The following COQ2 variants were observed in gnomAD, a reference collection of about 807,000 sequenced individuals.
COQ2 encodes 4-hydroxybenzoate polyprenyltransferase, mitochondrial.
A neutral mutation model predicts 35.7 loss-of-function variants in COQ2; 25 were observed. The ratio of observed to expected loss-of-function variants is 0.70; its 90% CI spans 0.51 to 0.98. The LOEUF (loss-of-function observed/expected upper bound fraction) is 0.98, where lower values mean the gene tolerates loss of function less well. Among genes scored for constraint, COQ2 ranks in the 50% least tolerant of loss-of-function variants. The probability of loss-of-function intolerance (pLI) is 0.00; values close to 1 mark genes in which losing one functional copy is unlikely to be tolerated. For synonymous variants in COQ2, 206 were observed against 186.2 expected (o/e 1.11, Z -0.86); for missense variants, 488 against 473.5 (o/e 1.03, Z -0.28).
chr4:83,281,181 C>T (rs1426217857), intron 1 of COQ2, among the ~76,000 whole-genome samples: 2 of 152,176 alleles, frequency 1.3e-5, no homozygotes, highest in African/African-American at 4.8e-5. Flanking sequence ...GTAGGTTTAA[C>T]TACTTTCTTT....
chr4:83,273,598 C>A lies in COQ2; in HGVS notation c.440G>T (p.Arg147Leu). 6.2e-7 allele frequency: 1 copy of A among 1,613,424 alleles called. No individual in the cohort carries two copies. Among genetic ancestry groups the A allele is most frequent in the Non-Finnish European group, 8.5e-7 (1 of 1,179,672 alleles). Residue 147 changes from arginine (R) to leucine (L), a missense_variant, in exon 3 of 7, where the codon CGT (arginine) becomes CTT (leucine). Coordinates refer to ENST00000647002, the MANE Select transcript of COQ2 (RefSeq NM_001358921.2). ...TGAAATGTCTCCAGCGGCTATTGGA[C>A]GATTGGCTGTTCTTGTAACCTTAAA... ...YDKKVTRTAN[R>L]PIAAGDISTF... is the part of the protein sequence containing the mutation.
chr4:83,277,402 C>G (rs1228693679), intron 2 of COQ2, among the ~76,000 whole-genome samples: 1 of 152,158 alleles, frequency 6.6e-6, no homozygotes, highest in Admixed American at 6.5e-5. Context: ...TCTAGAGACA[C>G]CTTCACCCTC....
chr4:83,283,973 TAA>T lies in COQ2; in HGVS notation c.253+537_253+538del, dbSNP rs1431468696. 8.1e-6 allele frequency: 8 copies of T among 985,426 alleles called. No individual in the cohort carries two copies. The East Asian group carries it at 5.7e-4, about 70-fold the overall frequency. 61.0% of individuals were successfully genotyped at this position (985,426 alleles called of 1,614,324 possible). A position where few individuals can be genotyped will look rare whatever the true frequency, so the allele number is the denominator to read the frequency against. On this transcript the variant is annotated intron_variant, in intron 1 of 6. Transcript: ENST00000647002. The stretch of plus-strand genomic sequence containing the variant: ...ATCTTTGCCTTATGGGTGATGCAGG[TAA>T]AAGAGCTCCGACTCAGCATCAAAAC...
intron 4 of COQ2, among the ~76,000 whole-genome samples, chr4:83,270,445 A>G (rs910201226): frequency 6.6e-6 from 1 of 152,030 alleles, no homozygotes; most frequent in Non-Finnish European, 1.5e-5. Context: ...CTATTCCACA[A>G]TGGCATCATC....
At chr4:83,277,284 C>T (rs1315422040) in intron 2 of COQ2, among the ~76,000 whole-genome samples, 1 of 152,220 alleles carries the variant, frequency 6.6e-6, no homozygotes, top group East Asian at 1.9e-4. Context: ...GCTCCTGCCA[C>T]TCTTCTACTA....
chr4:83,279,530 T>C (rs1017198289), intron 1 of COQ2, among the ~76,000 whole-genome samples: 58 of 152,170 alleles, frequency 3.8e-4, no homozygotes, highest in Non-Finnish European at 2.1e-4. Flanking sequence ...AAAATGGCCC[T>C]ACCTTTGTGA....
At chr4:83,267,203 C>A in intron 6 of COQ2, 2 of 453,420 alleles carry the variant, frequency 4.4e-6, no homozygotes, top group Non-Finnish European at 8.8e-6. Context: ...TCTCAAGACC[C>A]CATTTCTACA....
Position 83,264,197 on chromosome 4 carries a change from C to G in COQ2, c.*2G>C, listed in dbSNP as rs756452102. 4 of 1,279,972 alleles carry G rather than the reference C, an allele frequency of 3.1e-6. No individual in the cohort carries two copies. The highest frequency in any genetic ancestry group is 3.1e-5 in the African/African-American group (2 of 64,132). 79.3% of individuals were successfully genotyped at this position (1,279,972 alleles called of 1,614,324 possible). A position where few individuals can be genotyped will look rare whatever the true frequency, so the allele number is the denominator to read the frequency against. On this transcript the variant is annotated 3_prime_UTR_variant, in exon 7 of 7. Transcript: ENST00000647002. Reference sequence around the variant, plus strand: ...TAAAAATTCCTAGATAAATTTCATTCATTAATTTTCTATTTTATTCTCTAT... The same window carrying G: ...TAAAAATTCCTAGATAAATTTCATTGATTAATTTTCTATTTTATTCTCTAT...
Position 83,273,211 on chromosome 4 carries a change from C to T in COQ2, c.542+285G>A, listed in dbSNP as rs115149989. 4.1e-3 allele frequency among the ~76,000 whole-genome samples: 622 copies of T among 152,244 alleles called. 4 individuals are homozygous for T. The highest frequency in any genetic ancestry group is 0.014 in the African/African-American group (596 of 41,550). Reference sequence around the variant, plus strand: ...GGGTGTATACACACACATCCATGCACGCACTTAGAAAACCTATGAAATTGC... The same window carrying T: ...GGGTGTATACACACACATCCATGCATGCACTTAGAAAACCTATGAAATTGC... On this transcript the variant is annotated intron_variant, in intron 3 of 6. Transcript: ENST00000647002.
intron 2 of COQ2, among the ~76,000 whole-genome samples, chr4:83,274,414 C>T (rs987112639): frequency 3.3e-5 from 5 of 152,090 alleles, no homozygotes; most frequent in Non-Finnish European, 5.9e-5. Context: ...AAGCTGGTTT[C>T]GAACTCCTGA....
rs188166189 is a variant in COQ2, at chr4:83,270,197, A to G, written c.629-204T>C. Among the ~76,000 whole-genome samples the G allele has an allele frequency of 1.1e-4, 16 of 152,116 alleles. 1 individual carries two copies. The highest frequency in any genetic ancestry group is 4.6e-4 in the Admixed American group (7 of 15,276). ...TACAAAAAACAAAACAAGCTCAGAG[A>G]GGTTAATTAACAACTAAAGTAACAG... is the stretch of plus-strand genomic sequence containing the variant. On this transcript the variant is annotated intron_variant, in intron 4 of 6. Coordinates refer to ENST00000647002, the MANE Select transcript of COQ2 (RefSeq NM_001358921.2).
intron 4 of COQ2, among the ~76,000 whole-genome samples, chr4:83,270,613 T>A (rs1459859307): frequency 6.6e-6 from 1 of 152,168 alleles, no homozygotes; most frequent in Admixed American, 6.5e-5. Flanking sequence ...GTGTCCCAGA[T>A]ATCTTTTCTC....
chr4:83,280,239 A>T (rs974568843), intron 1 of COQ2, among the ~76,000 whole-genome samples: 1 of 152,238 alleles, frequency 6.6e-6, no homozygotes, highest in Non-Finnish European at 1.5e-5. Flanking sequence ...AAAGACTTCA[A>T]ATATGAACTT....
intron 5 of COQ2, among the ~76,000 whole-genome samples, chr4:83,268,101 T>C (rs1431998490): frequency 1.3e-5 from 2 of 152,208 alleles, no homozygotes; most frequent in Non-Finnish European, 2.9e-5. Flanking sequence ...CTCTTAACCA[T>C]ATTTTTAGTG....
At chr4:83,284,824 T>C, upstream of COQ2, 1 of 1,563,860 alleles carries the variant, frequency 6.4e-7, no homozygotes, top group Non-Finnish European at 8.6e-7. Context: ...GCATGCGCAG[T>C]GGCACCCGCA....
chr4:83,284,395 A>G, intron 1 of COQ2, 117 bp downstream of exon 1: 1 of 1,420,778 alleles, frequency 7.0e-7, no homozygotes, highest in Non-Finnish European at 9.2e-7. Context: ...AGCCAAGCCC[A>G]AGCTTTCAGG....
At chr4:83,277,329 A>G (rs1481268898) in intron 2 of COQ2, among the ~76,000 whole-genome samples, 1 of 152,144 alleles carries the variant, frequency 6.6e-6, no homozygotes, top group Non-Finnish European at 1.5e-5. Context: ...CAGACCATGT[A>G]GTTGCTGCTA....
At chr4:83,277,963 T>C (rs1735222816) in intron 2 of COQ2, among the ~76,000 whole-genome samples, 2 of 135,382 alleles carry the variant, frequency 1.5e-5, no homozygotes, top group African/African-American at 5.7e-5. Context: ...AGAGTGAAAC[T>C]CCATCTCAAA....
intron 2 of COQ2, among the ~76,000 whole-genome samples, chr4:83,277,304 T>G (rs751519967): frequency 3.9e-5 from 6 of 152,146 alleles, no homozygotes; most frequent in Non-Finnish European, 7.4e-5. Context: ...ACACCCCATA[T>G]CCTCCAGCCA....
Sources: gnomAD v4.1 joint callset for allele counts (sites outside exome capture counted in the v4.1 genomes callset) on GRCh38, gnomAD v4.1.1 for gene constraint, MANE v1.5 for transcripts, NCBI Gene and HGNC (gene_info 2026-07-23, HGNC 2026-07-21) for gene names.